Variants in NRXN3 observed in about 807,000 individuals in gnomAD.
The protein encoded by NRXN3 is neurexin 3.
In NRXN3, 32 loss-of-function variants were observed where a neutral mutation model predicts 137.6. That is an observed-to-expected ratio of 0.23 (90% CI 0.18 to 0.31). The LOEUF is 0.31. Among genes scored for constraint, NRXN3 ranks in the 10% least tolerant of loss-of-function variants. The pLI, the probability that NRXN3 is intolerant of heterozygous loss-of-function variation, is 1.00. For missense variants in NRXN3, 1,574 were observed against 2,062.5 expected, an observed-to-expected ratio of 0.76 and a Z score of 4.59; for synonymous variants, 798 against 784.5, an observed-to-expected ratio of 1.02 and a Z score of -0.29.
chr14:79,793,633 C>T (rs905060820), intron 19 of NRXN3, among the ~76,000 whole-genome samples: 1 of 152,066 alleles, frequency 6.6e-6, no homozygotes, highest in Non-Finnish European at 1.5e-5. Flanking sequence ...CTAAGGGCCC[C>T]CTTGCCCAAA....
chr14:78,643,958 T>C (rs1157592654), intron 4 of NRXN3, among the ~76,000 whole-genome samples: 1 of 151,942 alleles, frequency 6.6e-6, no homozygotes, highest in Non-Finnish European at 1.5e-5. Context: ...CTGGCCAACA[T>C]GGTGAAACCC....
intron 16 of NRXN3, among the ~76,000 whole-genome samples, chr14:79,518,312 T>C (rs1269596680): frequency 6.6e-6 from 1 of 152,178 alleles, no homozygotes; most frequent in South Asian, 2.1e-4. Context: ...AATGTTAATT[T>C]ACAAATTAAG....
chr14:79,314,994 A>G (rs996581335), intron 15 of NRXN3, among the ~76,000 whole-genome samples: 6 of 152,192 alleles, frequency 3.9e-5, no homozygotes, highest in Admixed American at 1.3e-4. Context: ...ATTATATGCT[A>G]TGGTCTGTCC....
chr14:78,925,736 A>G (rs1196554162), intron 10 of NRXN3, among the ~76,000 whole-genome samples: 2 of 152,146 alleles, frequency 1.3e-5, no homozygotes, highest in African/African-American at 4.8e-5. Flanking sequence ...AGCCATCTCT[A>G]TATGCTAAGT....
At chr14:79,857,850 C>A (rs574735639) in intron 20 of NRXN3, among the ~76,000 whole-genome samples, 1 of 152,096 alleles carries the variant, frequency 6.6e-6, no homozygotes, top group Non-Finnish European at 1.5e-5. Flanking sequence ...AAGCTTCTAC[C>A]ACTTTGTTGT....
intron 3 of NRXN3, among the ~76,000 whole-genome samples, chr14:78,286,242 G>A (rs2075163769): frequency 6.6e-6 from 1 of 152,218 alleles, no homozygotes; most frequent in Non-Finnish European, 1.5e-5. Flanking sequence ...GTTGAGGGCA[G>A]CAGTGGCATT....
At chr14:79,253,718 C>T (rs1024356702) in intron 15 of NRXN3, among the ~76,000 whole-genome samples, 10 of 152,184 alleles carry the variant, frequency 6.6e-5, no homozygotes, top group Non-Finnish European at 1.0e-4. Context: ...AGCTGCCAAA[C>T]ACTTTTAAAG....
intron 4 of NRXN3, among the ~76,000 whole-genome samples, chr14:78,439,985 G>A (rs146166245): frequency 3.9e-5 from 6 of 152,344 alleles, no homozygotes; most frequent in Middle Eastern, 3.4e-3. Flanking sequence ...CCTTTTGGCT[G>A]GAATCTTTGT....
At chr14:78,895,670 T>G (rs1388148093) in intron 10 of NRXN3, among the ~76,000 whole-genome samples, 1 of 151,958 alleles carries the variant, frequency 6.6e-6, no homozygotes, top group Non-Finnish European at 1.5e-5. Flanking sequence ...ATCTCAGTTT[T>G]CAACATGCCT....
intron 10 of NRXN3, among the ~76,000 whole-genome samples, chr14:78,933,994 G>A (rs917504423): frequency 6.6e-6 from 1 of 151,496 alleles, no homozygotes; most frequent in Non-Finnish European, 1.5e-5. Context: ...CGGTTGATGA[G>A]GAAATGCATT....
At chr14:78,602,845 G>A (rs75371828) in intron 4 of NRXN3, among the ~76,000 whole-genome samples, 1 of 152,180 alleles carries the variant, frequency 6.6e-6, no homozygotes, top group Non-Finnish European at 1.5e-5. Context: ...TACTGGGTCA[G>A]AGAGATGCCT....
intron 15 of NRXN3, among the ~76,000 whole-genome samples, chr14:79,106,085 T>C (rs1170202651): frequency 6.6e-6 from 1 of 152,096 alleles, no homozygotes; most frequent in Non-Finnish European, 1.5e-5. Flanking sequence ...TTTTAAACGT[T>C]TTGAATTAAT....
At chr14:79,111,790 T>G (rs2620388) in intron 15 of NRXN3, among the ~76,000 whole-genome samples, 4,289 of 150,558 alleles carry the variant, frequency 0.028, 200 homozygotes, top group African/African-American at 0.099. Flanking sequence ...ACTTAACAGG[T>G]CAATTTCTTG....
At chr14:78,916,013 A>G (rs1762959267) in intron 10 of NRXN3, among the ~76,000 whole-genome samples, 1 of 152,044 alleles carries the variant, frequency 6.6e-6, no homozygotes, top group South Asian at 2.1e-4. Flanking sequence ...AAGATAAGAC[A>G]CTCTTGTGTC....
At chr14:78,669,139 G>C (rs2097913154) in intron 6 of NRXN3, among the ~76,000 whole-genome samples, 1 of 152,170 alleles carries the variant, frequency 6.6e-6, no homozygotes, top group African/African-American at 2.4e-5. Context: ...TTTTAAGAGT[G>C]AGGAGTTAGA....
chr14:79,051,239 A>G (rs1047043993), intron 15 of NRXN3, among the ~76,000 whole-genome samples: 1 of 152,104 alleles, frequency 6.6e-6, no homozygotes, highest in African/African-American at 2.4e-5. Context: ...AATAGCTAAA[A>G]CCTCAATGAT....
intron 4 of NRXN3, among the ~76,000 whole-genome samples, chr14:78,539,136 G>A (rs1039979554): frequency 1.3e-5 from 2 of 152,194 alleles, no homozygotes; most frequent in African/African-American, 2.4e-5. Flanking sequence ...CATAAAATGA[G>A]TTAGGGAGGG....
intron 16 of NRXN3, among the ~76,000 whole-genome samples, chr14:79,531,367 A>G (rs1340500536): frequency 1.3e-5 from 2 of 152,212 alleles, no homozygotes; most frequent in East Asian, 3.8e-4. Context: ...TTCATCTTGC[A>G]AAATTAATCT....
intron 16 of NRXN3, among the ~76,000 whole-genome samples, chr14:79,526,854 CA>C (rs538035040): frequency 6.6e-6 from 1 of 151,936 alleles, no homozygotes; most frequent in Non-Finnish European, 1.5e-5. Context: ...TTACAAAATA[CA>C]AAAAAAGAAA....
Sources: gnomAD v4.1 joint callset for allele counts (sites outside exome capture counted in the v4.1 genomes callset) on GRCh38, gnomAD v4.1.1 for gene constraint, MANE v1.5 for transcripts, NCBI Gene and HGNC (gene_info 2026-07-23, HGNC 2026-07-21) for gene names.